SELP: variants seen among roughly 807,000 people sequenced by gnomAD.
SELP encodes the protein selectin P.
A neutral mutation model predicts 104.1 loss-of-function variants in SELP; 92 were observed. That is an observed-to-expected ratio of 0.88 (90% CI 0.75 to 1.05). The LOEUF (loss-of-function observed/expected upper bound fraction) is 1.05, where lower values mean the gene tolerates loss of function less well. SELP is among the 50% of genes least tolerant of loss of function. The pLI, the probability that SELP is intolerant of heterozygous loss-of-function variation, is 0.00. For synonymous variants in SELP, 397 were observed against 364.5 expected, an observed-to-expected ratio of 1.09 and a Z score of -1.01; for missense variants, 1,022 against 1,017.3, an observed-to-expected ratio of 1.00 and a Z score of -0.06.
intron 8 of SELP, among the ~76,000 whole-genome samples, chr1:169,608,474 T>C (rs569539967): frequency 5.4e-4 from 82 of 152,274 alleles, no homozygotes; most frequent in Middle Eastern, 6.8e-3. Flanking sequence ...TGTCCTTTCA[T>C]AGTGGCTTAT....
chr1:169,617,106 A>G lies in SELP; in HGVS notation c.403T>C (p.Tyr135His). ...KRNNEDCVEIYIKSPSAPGKW... is the reference protein window; with the variant it reads ...KRNNEDCVEIHIKSPSAPGKW... ...CCAGGGGCTGACGGACTCTTGATGTATATCTCCACGCAGTCCTCGTTGTTC... is the reference window on the plus strand; with the variant it reads ...CCAGGGGCTGACGGACTCTTGATGTGTATCTCCACGCAGTCCTCGTTGTTC... Residue 135 changes from tyrosine to histidine, a missense_variant, in exon 3 of 17, where the codon TAC (tyrosine) becomes CAC (histidine). Tyr to His is a moderately conservative substitution (Grantham distance 83). Coordinates refer to ENST00000263686, the MANE Select transcript of SELP (RefSeq NM_003005.4). 6.2e-7 allele frequency: 1 copy of G among 1,613,780 alleles called. No individual in the cohort carries two copies. The highest frequency in any genetic ancestry group is 8.5e-7 in the Non-Finnish European group (1 of 1,179,958).
chr1:169,590,244 A>G, intron 15 of SELP, 42 bp from the exon 16 acceptor site: 1 of 1,428,350 alleles, frequency 7.0e-7, no homozygotes, highest in Non-Finnish European at 9.9e-7. Flanking sequence ...TATACTGCTT[A>G]GTTCTCGACA....
chr1:169,616,549 A>G (rs1662821126), intron 3 of SELP, among the ~76,000 whole-genome samples: 1 of 152,206 alleles, frequency 6.6e-6, no homozygotes, highest in African/African-American at 2.4e-5. Flanking sequence ...AAATAAACTA[A>G]TAACACAATG....
chr1:169,605,265 G>T lies in SELP; in HGVS notation c.1519+1684C>A, dbSNP rs186334239. Among the ~76,000 whole-genome samples, 296 of 152,284 alleles carry T rather than the reference G, an allele frequency of 1.9e-3. 1 individual carries two copies. Among genetic ancestry groups the T allele is most frequent in the African/African-American group, 6.9e-3 (286 of 41,558 alleles). Reference sequence around the variant, plus strand: ...TATGTCCAGACTTCAACGTAGCCAGGATGAGCACTTAAGGGGCAAGGTCAC... The same window carrying T: ...TATGTCCAGACTTCAACGTAGCCAGTATGAGCACTTAAGGGGCAAGGTCAC... On this transcript the variant is annotated intron_variant, in intron 9 of 16. Coordinates refer to ENST00000263686, the MANE Select transcript of SELP (RefSeq NM_003005.4).
At chr1:169,590,077 T>A in intron 16 of SELP, 70 bp downstream of exon 16, 1 of 1,054,996 alleles carries the variant, frequency 9.5e-7, no homozygotes, top group Non-Finnish European at 1.4e-6. Context: ...AAAGAAAAGT[T>A]AAGCTTTATA....
Position 169,594,832 on chromosome 1 carries a change from T to C in SELP, c.2147A>G (p.Asn716Ser). 1 of 1,613,756 alleles carries C rather than the reference T, an allele frequency of 6.2e-7. No homozygotes were observed. Among genetic ancestry groups the C allele is most frequent in the Non-Finnish European group, 8.5e-7 (1 of 1,179,756 alleles). Reference sequence around the variant, plus strand: ...GAAGTTTCCCCAGAGGTTGGAGCAGTTCATCGCTATTGGCTTATTAACATG... The same window carrying C: ...GAAGTTTCCCCAGAGGTTGGAGCAGCTCATCGCTATTGGCTTATTAACATG... ...ELHVNKPIAM[N>S]CSNLWGNFSY... The change falls in exon 13 of 17, where the codon AAC becomes AGC. Residue 716 changes from asparagine to serine, a missense_variant. Coordinates refer to ENST00000263686, the MANE Select transcript of SELP (RefSeq NM_003005.4).
intron 1 of SELP, among the ~76,000 whole-genome samples, chr1:169,629,847 G>C (rs1663549616): frequency 6.6e-6 from 1 of 152,154 alleles, no homozygotes. Context: ...AAACCACGAT[G>C]GCTTTATTTG....
intron 11 of SELP, 55 bp from the exon 12 acceptor site, chr1:169,596,189 C>A: frequency 6.6e-7 from 1 of 1,519,584 alleles, no homozygotes. Flanking sequence ...GAAGCGTTAA[C>A]AGAGTTAAGG....
In SELP at chr1:169,619,004, A is replaced by T. The variant is rs926395121; in HGVS notation, c.94+125T>A. ...CGTTGGGTACATTTGTCTTCCAGCA[A>T]TCTGGACTTGGACAGTTTTCCCATG... On this transcript the variant is annotated intron_variant, in intron 2 of 16. Transcript: ENST00000263686. 78 of 678,302 alleles carry T rather than the reference A, an allele frequency of 1.1e-4. 1 individual carries two copies. The highest frequency in any genetic ancestry group is 2.9e-5 in the Admixed American group (1 of 34,210). 42.0% of individuals were successfully genotyped at this position (678,302 alleles called of 1,614,324 possible).
Position 169,609,690 on chromosome 1 carries a change from C to G in SELP, c.1148-1G>C, listed in dbSNP as rs1236139307. On this transcript the variant is annotated splice_acceptor_variant, in intron 7 of 16. Coordinates refer to ENST00000263686, the MANE Select transcript of SELP (RefSeq NM_003005.4). LOFTEE classifies it high-confidence loss of function. ...CTCTCCAGCGGCTCACACGAAATAG[C>G]TAAGTGGAAAAGGTATCTTCTAAAG... The G allele has an allele frequency of 3.1e-6, 5 of 1,606,934 alleles. No individual in the cohort carries two copies. The South Asian group carries it at 5.5e-5, about 18-fold the overall frequency.
chr1:169,612,277 G>T lies in SELP; in HGVS notation c.901C>A (p.Pro301Thr). ...GAGGCTGTGCATTGCACCACTTCCG[G>T]TCCAACTAATGCAAATCCCTCTTCA... is the stretch of plus-strand genomic sequence containing the variant. ...SCEEGFALVG[P>T]EVVQCTASGV... The change falls in exon 6 of 17, where the codon CCG becomes ACG. Residue 301 changes from proline (P) to threonine (T), a missense_variant. Pro to Thr is a conservative substitution (Grantham distance 38). Coordinates refer to ENST00000263686, the MANE Select transcript of SELP (RefSeq NM_003005.4). 1 of 1,614,138 alleles carries T rather than the reference G, an allele frequency of 6.2e-7. No homozygotes were observed. The highest frequency in any genetic ancestry group is 8.5e-7 in the Non-Finnish European group (1 of 1,180,016).
intron 14 of SELP, 30 bp downstream of exon 14, chr1:169,593,575 G>C (rs1212457402): frequency 6.3e-7 from 1 of 1,599,490 alleles, no homozygotes; most frequent in Non-Finnish European, 8.5e-7. Flanking sequence ...ATGTAACCAA[G>C]ATGCAAAGAG....
At chr1:169,595,857 G>A in intron 12 of SELP, 68 bp downstream of exon 12, 1 of 1,429,770 alleles carries the variant, frequency 7.0e-7, no homozygotes, top group Non-Finnish European at 9.8e-7. Flanking sequence ...TCAACATACA[G>A]GCACAATGGC....
chr1:169,612,480 A>T, intron 5 of SELP, 78 bp from the exon 6 acceptor site: 1 of 1,411,368 alleles, frequency 7.1e-7, no homozygotes, highest in Non-Finnish European at 9.9e-7. Context: ...CAAATTCTGC[A>T]GCAGTCACAC....
At chr1:169,607,761 C>T (rs1488672526) in intron 8 of SELP, among the ~76,000 whole-genome samples, 1 of 152,146 alleles carries the variant, frequency 6.6e-6, no homozygotes, top group Non-Finnish European at 1.5e-5. Flanking sequence ...TAGAGTTAGA[C>T]TGAGATCATA....
intron 15 of SELP, among the ~76,000 whole-genome samples, chr1:169,590,913 G>C (rs1661325773): frequency 6.6e-6 from 1 of 152,164 alleles, no homozygotes; most frequent in South Asian, 2.1e-4. Flanking sequence ...TCTGAGCCTG[G>C]AACTCAAGCA....
At chr1:169,600,030 G>A (rs368613356) in intron 10 of SELP, among the ~76,000 whole-genome samples, 1 of 152,194 alleles carries the variant, frequency 6.6e-6, no homozygotes, top group South Asian at 2.1e-4. Flanking sequence ...GAGGGATACG[G>A]AAACTGTGTA....
rs564726926 is a variant in SELP, at chr1:169,613,622, A to T, written c.553T>A (p.Cys185Ser). The change falls in exon 4 of 17, where the codon TGT (cysteine) becomes AGT (serine). Residue 185 changes from cysteine (C) to serine (S), a missense_variant. Cys to Ser is a moderately radical substitution (Grantham distance 112, BLOSUM62 -1). Coordinates refer to ENST00000263686, the MANE Select transcript of SELP (RefSeq NM_003005.4). ...LETIGNYTCS[C>S]YPGFYGPECE... ...TCTGGCCCATAGAATCCAGGGTAAC[A>T]GGAGCAGGTGTAGTTCCCGATGGTC... The T allele has an allele frequency of 6.2e-7, 1 of 1,614,056 alleles. No homozygotes were observed. Among genetic ancestry groups the T allele is most frequent in the African/African-American group, 1.3e-5 (1 of 75,064 alleles).
At chr1:169,626,642 G>C (rs191418989) in intron 1 of SELP, among the ~76,000 whole-genome samples, 3 of 152,324 alleles carry the variant, frequency 2.0e-5, no homozygotes, top group Non-Finnish European at 4.4e-5. Context: ...TGGCAGAAGG[G>C]ATACTTCTGA....
Sources: gnomAD v4.1 joint callset for allele counts (sites outside exome capture counted in the v4.1 genomes callset) on GRCh38, gnomAD v4.1.1 for gene constraint, MANE v1.5 for transcripts, NCBI Gene and HGNC (gene_info 2026-07-23, HGNC 2026-07-21) for gene names.